Variants in PHACTR3 observed in about 807,000 individuals in gnomAD.
PHACTR3 encodes phosphatase and actin regulator 3.
A neutral mutation model predicts 66.8 loss-of-function variants in PHACTR3; 16 were observed. The observed-to-expected ratio is 0.24, with a 90% CI of 0.16 to 0.36. The LOEUF (loss-of-function observed/expected upper bound fraction) is 0.36, where lower values mean the gene tolerates loss of function less well. Ranked by LOEUF, PHACTR3 falls within the 10% of genes least tolerant of loss-of-function variation. The pLI, the probability that PHACTR3 is intolerant of heterozygous loss-of-function variation, is 1.00. For synonymous variants in PHACTR3, 323 were observed against 292.1 expected, an observed-to-expected ratio of 1.11 and a Z score of -1.08; for missense variants, 647 against 719.9, an observed-to-expected ratio of 0.90 and a Z score of 1.16.
At chr20:59,668,338 G>A (rs558202223) in intron 1 of PHACTR3, among the ~76,000 whole-genome samples, 52 of 149,978 alleles carry the variant, frequency 3.5e-4, no homozygotes, top group African/African-American at 1.2e-3. Context: ...AGGTGGGCAC[G>A]TACGCCTGTA....
At chr20:59,756,287 C>T (rs969252053) in intron 4 of PHACTR3, among the ~76,000 whole-genome samples, 2 of 152,202 alleles carry the variant, frequency 1.3e-5, no homozygotes, top group African/African-American at 4.8e-5. Context: ...AAGCGAGTCT[C>T]ACACGGTTTG....
At chr20:59,819,920 G>C (rs1307516325) in intron 8 of PHACTR3, among the ~76,000 whole-genome samples, 2 of 152,214 alleles carry the variant, frequency 1.3e-5, no homozygotes, top group African/African-American at 4.8e-5. Flanking sequence ...GCCTTCTTTG[G>C]ATTCCGAGAT....
At chr20:59,646,699 G>A (rs2035292126) in intron 1 of PHACTR3, among the ~76,000 whole-genome samples, 1 of 152,208 alleles carries the variant, frequency 6.6e-6, no homozygotes, top group Non-Finnish European at 1.5e-5. Context: ...GCATCCCCCA[G>A]GAACATGACT....
chr20:59,845,174 GT>G lies in PHACTR3; in HGVS notation c.1588-10del. 1 of 1,529,774 alleles carries G rather than the reference GT, an allele frequency of 6.5e-7. No individual in the cohort carries two copies. The allele number at this position is 1,529,774 out of a possible 1,614,324, so 94.8% of individuals were successfully genotyped here. On this transcript the variant is annotated splice_polypyrimidine_tract_variant and intron_variant, in intron 11 of 12. Transcript: ENST00000371015. ...TTAATATCCTGTAAAACAATGTCTT[GT>G]TTTTAAATTTCAGGCAGCAATTCGT...
At chr20:59,822,492 C>T (rs2042077237) in intron 8 of PHACTR3, among the ~76,000 whole-genome samples, 1 of 151,330 alleles carries the variant, frequency 6.6e-6, no homozygotes, top group African/African-American at 2.4e-5. Context: ...TGGCTAGACA[C>T]GGGAAGGGCT....
intron 1 of PHACTR3, among the ~76,000 whole-genome samples, chr20:59,739,977 A>C (rs1289261782): frequency 6.6e-6 from 1 of 152,140 alleles, no homozygotes; most frequent in Non-Finnish European, 1.5e-5. Context: ...TCTGATCTTC[A>C]GTTTGTTCAT....
intron 1 of PHACTR3, among the ~76,000 whole-genome samples, chr20:59,583,109 C>G (rs151058637): frequency 2.6e-5 from 4 of 152,134 alleles, no homozygotes; most frequent in African/African-American, 9.7e-5. Flanking sequence ...CATCCCTCTG[C>G]GTCTCCTTTT....
intron 1 of PHACTR3, among the ~76,000 whole-genome samples, chr20:59,681,457 C>T (rs946765421): frequency 6.6e-5 from 10 of 152,110 alleles, no homozygotes; most frequent in African/African-American, 2.2e-4. Context: ...TAGAGGAATG[C>T]CACAGGGGTC....
chr20:59,738,721 C>T lies in PHACTR3; in HGVS notation c.119-4386C>T, dbSNP rs1211172984. On this transcript the variant is annotated intron_variant, in intron 1 of 12. Coordinates refer to ENST00000371015, the MANE Select transcript of PHACTR3 (RefSeq NM_080672.5). The surrounding 1 kb of genome is among the most constrained non-coding windows in gnomAD (Gnocchi z 4.4). ...TTCCTCCAGATCCTTCCTGACACTC[C>T]CTTCATCCTTCAGCTGTGTATGTGT... is the stretch of plus-strand genomic sequence containing the variant. 6.6e-6 allele frequency among the ~76,000 whole-genome samples: 1 copy of T among 152,120 alleles called. No individual in the cohort carries two copies. Among genetic ancestry groups the T allele is most frequent in the Non-Finnish European group, 1.5e-5 (1 of 68,016 alleles).
At position 59,688,122 on chromosome 20, in the gene PHACTR3, A is replaced by G. The variant is rs1321428; in HGVS notation, c.119-54985A>G. Among the ~76,000 whole-genome samples, 355 of 152,286 alleles carry G rather than the reference A, an allele frequency of 2.3e-3. 1 individual carries two copies. The highest frequency in any genetic ancestry group is 4.3e-3 in the Non-Finnish European group (294 of 68,022). On this transcript the variant is annotated intron_variant, in intron 1 of 12. Transcript: ENST00000371015. ...TTGTGGCCACTTAATATTTTTGGAT[A>G]TTGATTCTGATTTTCCTATTAGAGC...
At chr20:59,682,184 A>G (rs11699131) in intron 1 of PHACTR3, among the ~76,000 whole-genome samples, 4,277 of 152,010 alleles carry the variant, frequency 0.028, 80 homozygotes, top group Middle Eastern at 0.065. Flanking sequence ...TACTAAAAAT[A>G]CAAAAATTAG....
intron 2 of PHACTR3, among the ~76,000 whole-genome samples, chr20:59,745,840 C>T (rs904713445): frequency 1.3e-5 from 2 of 152,226 alleles, no homozygotes; most frequent in Admixed American, 1.3e-4. Context: ...CGTCCCCATC[C>T]CCGAGAGGGG....
chr20:59,839,074 T>G (rs1446317209), intron 9 of PHACTR3, among the ~76,000 whole-genome samples: 1 of 152,176 alleles, frequency 6.6e-6, no homozygotes, highest in Non-Finnish European at 1.5e-5. Context: ...GTTTCAATCT[T>G]TTCACATGGA....
At chr20:59,652,399 T>G (rs1488102985) in intron 1 of PHACTR3, among the ~76,000 whole-genome samples, 1 of 151,966 alleles carries the variant, frequency 6.6e-6, no homozygotes, top group Non-Finnish European at 1.5e-5. Context: ...AGTAAAAAAT[T>G]AGCTGGGCAT....
chr20:59,704,241 C>G lies in PHACTR3; in HGVS notation c.119-38866C>G, dbSNP rs73303173. Among the ~76,000 whole-genome samples, 734 of 152,248 alleles carry G rather than the reference C, an allele frequency of 4.8e-3. 7 individuals carry two copies. The highest frequency in any genetic ancestry group is 0.017 in the African/African-American group (695 of 41,548). ...TCTTGTAATGATGCATTTTTGTTGTCTACATTAGACTTGTTGTCCCTAGTT... is the reference window on the plus strand; with the variant it reads ...TCTTGTAATGATGCATTTTTGTTGTGTACATTAGACTTGTTGTCCCTAGTT... On this transcript the variant is annotated intron_variant, in intron 1 of 12. Transcript: ENST00000371015.
intron 7 of PHACTR3, among the ~76,000 whole-genome samples, chr20:59,785,590 A>T (rs1270181621): frequency 6.6e-6 from 1 of 152,114 alleles, no homozygotes; most frequent in Non-Finnish European, 1.5e-5. Flanking sequence ...AGGAAGCGGG[A>T]GATGATTCGC....
chr20:59,835,293 A>C (rs192100466), intron 8 of PHACTR3, among the ~76,000 whole-genome samples: 38 of 151,800 alleles, frequency 2.5e-4, no homozygotes, highest in Admixed American at 6.6e-4. Flanking sequence ...GGGAGGTTCA[A>C]GTCTCACTGA....
At chr20:59,628,381 T>C (rs566168911) in intron 1 of PHACTR3, 1 of 153,454 alleles carries the variant, frequency 6.5e-6, no homozygotes, top group African/African-American at 2.4e-5. Context: ...AGGGTTGCCA[T>C]TGAGGCAGGC....
chr20:59,584,536 T>C lies in PHACTR3; in HGVS notation c.109+6919T>C, dbSNP rs563629150. Among the ~76,000 whole-genome samples, 737 of 152,146 alleles carry C rather than the reference T, an allele frequency of 4.8e-3. 7 individuals are homozygous for C. The highest frequency in any genetic ancestry group is 0.015 in the Admixed American group (232 of 15,302). On this transcript the variant is annotated intron_variant, in intron 1 of 12. Coordinates refer to the PHACTR3 transcript ENST00000359926. The stretch of plus-strand genomic sequence containing the variant: ...ATGCATGAGTGTGTGCATGCACAAG[T>C]GTGTGCATGAGTGTGTACGTGCATG...
Sources: gnomAD v4.1 joint callset for allele counts (sites outside exome capture counted in the v4.1 genomes callset) on GRCh38, gnomAD v4.1.1 for gene constraint, Gnocchi (gnomAD v3.1) non-coding constraint, MANE v1.5 for transcripts, NCBI Gene and HGNC (gene_info 2026-07-23, HGNC 2026-07-21) for gene names.